ERI1: variants seen among roughly 807,000 people sequenced by gnomAD.
The protein encoded by ERI1 is 3'-5' exoribonuclease 1.
A neutral mutation model predicts 39.7 loss-of-function variants in ERI1; 39 were observed. The observed-to-expected ratio is 0.98, with a 90% CI of 0.76 to 1.28. The LOEUF is 1.28. ERI1 is among the 50% of genes most tolerant of loss of function. ERI1 has a pLI of 0.00. For synonymous variants in ERI1, 204 were observed against 149.6 expected (o/e 1.36, Z -2.65); for missense variants, 581 against 416.9 (o/e 1.39, Z -3.43).
rs11996775 is a variant in ERI1, at chr8:9,083,548, A to C, written n.300-32800A>C. ...TCAGTATCCAGCCTTAGCAATCATC[A>C]ACTCATAATCAATACTGCCTCATGA... On this transcript the variant is annotated intron_variant and non_coding_transcript_variant, in intron 3 of 3. Coordinates refer to the ERI1 transcript ENST00000518663. Among the ~76,000 whole-genome samples the C allele has an allele frequency of 5.5e-3, 839 of 152,280 alleles. 6 individuals carry two copies. Among genetic ancestry groups the C allele is most frequent in the African/African-American group, 0.02 (813 of 41,554 alleles).
chr8:9,062,893 C>G lies in ERI1; in HGVS notation n.299+42429C>G, dbSNP rs927490957. The G allele has an allele frequency of 4.6e-5, 7 of 152,176 alleles. 1 individual carries two copies. The highest frequency in any genetic ancestry group is 1.7e-4 in the African/African-American group (7 of 41,558). 9.4% of individuals were successfully genotyped at this position (152,176 alleles called of 1,614,324 possible). Reference sequence around the variant, plus strand: ...TGGCCCAGTGGCCAGATTTCTGGCACTTGTAGCAAGCTCCTGGGGGAGGAG... The same window carrying G: ...TGGCCCAGTGGCCAGATTTCTGGCAGTTGTAGCAAGCTCCTGGGGGAGGAG... On this transcript the variant is annotated intron_variant and non_coding_transcript_variant, in intron 3 of 3. Transcript: ENST00000518663.
At chr8:9,090,110 C>G (rs888918324) in intron 3 of ERI1, among the ~76,000 whole-genome samples, 2 of 152,232 alleles carry the variant, frequency 1.3e-5, no homozygotes, top group Admixed American at 6.5e-5. Context: ...AGACAGGCAC[C>G]AAGAGCCAGT....
At chr8:9,062,451 G>T (rs1798731362) in intron 3 of ERI1, among the ~76,000 whole-genome samples, 1 of 151,030 alleles carries the variant, frequency 6.6e-6, no homozygotes, top group African/African-American at 2.4e-5. Flanking sequence ...CTAAAAAAGA[G>T]TGCAAAAAAG....
At chr8:9,038,634 G>C (rs1162084412) in intron 3 of ERI1, among the ~76,000 whole-genome samples, 1 of 152,128 alleles carries the variant, frequency 6.6e-6, no homozygotes, top group Non-Finnish European at 1.5e-5. Flanking sequence ...GCACAAGCCT[G>C]TAGTCCCATC....
At chr8:9,042,918 A>C (rs906216906) in intron 3 of ERI1, among the ~76,000 whole-genome samples, 8 of 152,192 alleles carry the variant, frequency 5.3e-5, no homozygotes, top group African/African-American at 1.9e-4. Context: ...GTTACCCTGC[A>C]TGCTCCCACG....
intron 3 of ERI1, among the ~76,000 whole-genome samples, chr8:9,012,636 G>C (rs1025055647): frequency 6.6e-6 from 1 of 152,280 alleles, no homozygotes; most frequent in East Asian, 1.9e-4. Context: ...AAATAATCTT[G>C]CATAAGTCAC....
intron 3 of ERI1, among the ~76,000 whole-genome samples, chr8:9,038,346 C>T (rs550610607): frequency 5.3e-5 from 8 of 152,228 alleles, no homozygotes; most frequent in South Asian, 2.1e-4. Flanking sequence ...GAGAGGGAGA[C>T]ACCACATTCA....
intron 3 of ERI1, among the ~76,000 whole-genome samples, chr8:9,064,887 A>G (rs142157024): frequency 1.3e-5 from 2 of 152,262 alleles, no homozygotes; most frequent in African/African-American, 4.8e-5. Flanking sequence ...TGAGTCCGAG[A>G]AGAGAGTCAG....
intron 6 of ERI1, among the ~76,000 whole-genome samples, chr8:9,021,698 CTTATA>C (rs375886766): frequency 2.6e-4 from 39 of 148,840 alleles, no homozygotes; most frequent in African/African-American, 7.9e-4. Context: ...AATGTATATC[CTTATA>C]TTATATAGTT....
At chr8:9,021,902 G>C (rs1411894416) in intron 6 of ERI1, among the ~76,000 whole-genome samples, 2 of 147,258 alleles carry the variant, frequency 1.4e-5, no homozygotes, top group Non-Finnish European at 3.0e-5. Context: ...GTTCTACTTT[G>C]GCTGGCCATT....
chr8:9,007,848 A>T, intron 1 of ERI1, 122 bp from the exon 2 acceptor site: 1 of 1,399,432 alleles, frequency 7.1e-7, no homozygotes, highest in Non-Finnish European at 9.4e-7. Context: ...AACACTTTTC[A>T]TTGAACATGT....
chr8:9,008,505 C>T (rs1213359013), intron 2 of ERI1, among the ~76,000 whole-genome samples: 1 of 152,018 alleles, frequency 6.6e-6, no homozygotes, highest in Non-Finnish European at 1.5e-5. Flanking sequence ...CCATTTGTAT[C>T]TTTTATAAAA....
At chr8:9,058,897 C>T (rs1325687411) in intron 3 of ERI1, among the ~76,000 whole-genome samples, 2 of 152,152 alleles carry the variant, frequency 1.3e-5, no homozygotes, top group African/African-American at 4.8e-5. Context: ...TTTTAACCGT[C>T]TCATACAAAC....
intron 3 of ERI1, among the ~76,000 whole-genome samples, chr8:9,084,424 TG>T (rs1441632368): frequency 9.2e-5 from 14 of 152,346 alleles, no homozygotes; most frequent in African/African-American, 3.4e-4. Context: ...GGACAGTGGC[TG>T]CCCTAAACCT....
chr8:9,092,831 G>A (rs1273040114), intron 3 of ERI1, among the ~76,000 whole-genome samples: 1 of 152,206 alleles, frequency 6.6e-6, no homozygotes, highest in Non-Finnish European at 1.5e-5. Flanking sequence ...AATTGTATTG[G>A]CTTACAGTTC....
chr8:9,079,505 G>T (rs1222126214), intron 3 of ERI1, among the ~76,000 whole-genome samples: 1 of 152,102 alleles, frequency 6.6e-6, no homozygotes, highest in Non-Finnish European at 1.5e-5. Flanking sequence ...TCCAGAATGG[G>T]CTAGCAAAAA....
At chr8:9,008,562 A>G (rs962909) in intron 2 of ERI1, among the ~76,000 whole-genome samples, 110,533 of 151,826 alleles carry the variant, frequency 0.73, 40,714 homozygotes, top group Non-Finnish European at 0.79. Flanking sequence ...CATTCACTTA[A>G]CAGGAATATT....
rs887184964 is a variant in ERI1, at chr8:9,031,117, C to G, written c.*1083C>G. 1 of 152,282 alleles carries G rather than the reference C, an allele frequency of 6.6e-6. No individual in the cohort carries two copies. The highest frequency in any genetic ancestry group is 1.9e-4 in the East Asian group (1 of 5,182). The allele number at this position is 152,282 out of a possible 1,614,324, so 9.4% of individuals were successfully genotyped here. On this transcript the variant is annotated 3_prime_UTR_variant, in exon 7 of 7. Transcript: ENST00000250263. ...GTATTTTCAGAATTGAATTTTTCTC[C>G]TTGTAGCTTTCAGGGAACAATTTCA...
chr8:9,025,083 G>T lies in ERI1; in HGVS notation c.807+4619G>T, dbSNP rs571624675. ...TAAGTCTGTCTCTGGTGTACAGTCA[G>T]ATTGTACCTATAAAGCTCTTTTCTT... On this transcript the variant is annotated intron_variant, in intron 6 of 6. Transcript: ENST00000250263. Among the ~76,000 whole-genome samples, 7 of 152,320 alleles carry T rather than the reference G, an allele frequency of 4.6e-5. No individual in the cohort carries two copies. The South Asian group carries it at 1.5e-3, about 32-fold the overall frequency.
Sources: allele counts gnomAD v4.1 joint callset (sites outside exome capture counted in the v4.1 genomes callset), GRCh38; gene constraint gnomAD v4.1.1; transcripts MANE v1.5; gene names NCBI Gene and HGNC (gene_info 2026-07-23, HGNC 2026-07-21).